Variants in GLYAT observed in about 807,000 individuals in gnomAD.
GLYAT encodes glycine-N-acyltransferase, also known as glycine N-acyltransferase.
A neutral mutation model predicts 22.8 loss-of-function variants in GLYAT; 25 were observed. The ratio of observed to expected loss-of-function variants is 1.09; its 90% CI spans 0.80 to 1.53. GLYAT has a LOEUF of 1.53. Among genes scored for constraint, GLYAT ranks in the 40% most tolerant of loss-of-function variants. The pLI, the probability that GLYAT is intolerant of heterozygous loss-of-function variation, is 0.00. For missense variants in GLYAT, 411 were observed against 353.9 expected (o/e 1.16, Z -1.29); for synonymous variants, 140 against 122.7 (o/e 1.14, Z -0.93).
chr11:58,711,121 A>T (rs1199841542), intron 4 of GLYAT, among the ~76,000 whole-genome samples: 1 of 152,236 alleles, frequency 6.6e-6, no homozygotes, highest in South Asian at 2.1e-4. Flanking sequence ...ATACTGGTCC[A>T]AGCAAGCATT....
chr11:58,719,910 T>C (rs1856728304), intron 2 of GLYAT, among the ~76,000 whole-genome samples: 1 of 152,066 alleles, frequency 6.6e-6, no homozygotes, highest in African/African-American at 2.4e-5. Flanking sequence ...CCTCTTATTG[T>C]GACTTACACC....
intron 4 of GLYAT, 70 bp downstream of exon 4, chr11:58,712,690 G>A (rs1856630404): frequency 2.3e-6 from 3 of 1,328,810 alleles, no homozygotes; most frequent in East Asian, 2.3e-5. Context: ...GAGGAAGGAG[G>A]TATAAGTCAT....
chr11:58,727,509 C>A (rs1856822621), intron 1 of GLYAT, among the ~76,000 whole-genome samples: 1 of 152,138 alleles, frequency 6.6e-6, no homozygotes, highest in Non-Finnish European at 1.5e-5. Context: ...CCAGGCATTG[C>A]AGTTTTAGGC....
intron 1 of GLYAT, among the ~76,000 whole-genome samples, chr11:58,726,459 C>A (rs1005153503): frequency 1.3e-5 from 2 of 152,028 alleles, no homozygotes; most frequent in African/African-American, 4.8e-5. Context: ...CACTGATGGG[C>A]AGCCTAGGGG....
In GLYAT at chr11:58,725,209, C is replaced by T. The variant is rs901845069; in HGVS notation, c.-15-698G>A. Among the ~76,000 whole-genome samples the T allele has an allele frequency of 1.2e-4, 19 of 152,268 alleles. No individual in the cohort carries two copies. The East Asian group carries it at 3.1e-3, about 25-fold the overall frequency. On this transcript the variant is annotated intron_variant, in intron 1 of 5. Coordinates refer to ENST00000344743, the MANE Select transcript of GLYAT (RefSeq NM_201648.3). ...ACTTGTACTTTCACCAAGCCTCACACTTTGAGGCTAATTCCATCTTTAAGC... is the reference window on the plus strand; with the variant it reads ...ACTTGTACTTTCACCAAGCCTCACATTTTGAGGCTAATTCCATCTTTAAGC...
chr11:58,726,731 A>T (rs1856814735), intron 1 of GLYAT, among the ~76,000 whole-genome samples: 1 of 152,106 alleles, frequency 6.6e-6, no homozygotes, highest in Non-Finnish European at 1.5e-5. Flanking sequence ...CCCTTTAAAT[A>T]TGACCTTGAA....
rs181870003 is a variant in GLYAT at position 58,722,508 on chromosome 11, G to T, written c.81+1908C>A. Among the ~76,000 whole-genome samples the T allele has an allele frequency of 1.3e-3, 197 of 152,186 alleles. No homozygotes were observed. The Middle Eastern group carries it at 0.024, about 18-fold the overall frequency. ...GAAGAAGGGACATTTTGAAGCAATG[G>T]CAGGAAGACTTGAAGCAGGGAGAAA... is the stretch of plus-strand genomic sequence containing the variant. On this transcript the variant is annotated intron_variant, in intron 2 of 5. Transcript: ENST00000344743.
chr11:58,724,061 C>A (rs1172618851), intron 2 of GLYAT, among the ~76,000 whole-genome samples: 1 of 151,888 alleles, frequency 6.6e-6, no homozygotes, highest in Non-Finnish European at 1.5e-5. Flanking sequence ...GAACTCTGGG[C>A]AAATTTCAAA....
At chr11:58,725,017 C>T (rs1359705158) in intron 1 of GLYAT, among the ~76,000 whole-genome samples, 1 of 152,078 alleles carries the variant, frequency 6.6e-6, no homozygotes, top group African/African-American at 2.4e-5. Context: ...TTGATTACTA[C>T]CACCACTCCT....
intron 2 of GLYAT, among the ~76,000 whole-genome samples, chr11:58,719,781 A>G (rs1363535796): frequency 6.6e-6 from 1 of 152,056 alleles, no homozygotes; most frequent in African/African-American, 2.4e-5. Flanking sequence ...TTAAAAGCAT[A>G]TACAGGAAGA....
At chr11:58,716,672 C>T (rs560604587) in intron 2 of GLYAT, among the ~76,000 whole-genome samples, 2 of 152,060 alleles carry the variant, frequency 1.3e-5, no homozygotes, top group African/African-American at 4.8e-5. Context: ...TATTAAAATC[C>T]TTTTTAGTCC....
chr11:58,710,609 C>T lies in GLYAT; in HGVS notation c.469G>A (p.Gly157Ser). 6.2e-7 allele frequency: 1 copy of T among 1,605,544 alleles called. No homozygotes were observed. Among genetic ancestry groups the T allele is most frequent in the Non-Finnish European group, 8.5e-7 (1 of 1,172,108 alleles). Residue 157 changes from glycine to serine, a missense_variant, in exon 5 of 6, where the codon GGT becomes AGT. Coordinates refer to ENST00000344743, the MANE Select transcript of GLYAT (RefSeq NM_201648.3). Reference protein sequence around the residue: ...LLKSKILSPNGGKPKAINQEM... With the variant: ...LLKSKILSPNSGKPKAINQEM... Reference sequence around the variant, plus strand: ...ACTCACATGGCCTTGGGTTTGCCACCATTGGGAGATAAAATCTTTGATTTC... The same window carrying T: ...ACTCACATGGCCTTGGGTTTGCCACTATTGGGAGATAAAATCTTTGATTTC...
chr11:58,731,542 T>A (rs930403720), intron 1 of GLYAT, among the ~76,000 whole-genome samples: 1 of 152,142 alleles, frequency 6.6e-6, no homozygotes, highest in Non-Finnish European at 1.5e-5. Context: ...CACAAAGCAA[T>A]AATTACATTA....
intron 1 of GLYAT, among the ~76,000 whole-genome samples, chr11:58,727,211 C>A (rs1354275407): frequency 6.6e-6 from 1 of 152,066 alleles, no homozygotes; most frequent in Non-Finnish European, 1.5e-5. Flanking sequence ...TGGAGGTCAT[C>A]CAAGCTTGTA....
At chr11:58,731,146 A>G (rs1856867668) in intron 1 of GLYAT, among the ~76,000 whole-genome samples, 1 of 152,164 alleles carries the variant, frequency 6.6e-6, no homozygotes, top group Non-Finnish European at 1.5e-5. Flanking sequence ...TCTTGTCTGT[A>G]TTCTTGTCTT....
intron 2 of GLYAT, 45 bp downstream of exon 2, chr11:58,724,371 A>T: frequency 9.6e-7 from 1 of 1,043,432 alleles, no homozygotes; most frequent in Non-Finnish European, 1.5e-6. Flanking sequence ...CCTCTTTCAC[A>T]TCAAGTTTGT....
Position 58,710,068 on chromosome 11 carries a change from T to A in GLYAT, c.589A>T (p.Ile197Phe). Residue 197 changes from isoleucine to phenylalanine, a missense_variant, in exon 6 of 6, where the codon ATT becomes TTT. Coordinates refer to ENST00000344743, the MANE Select transcript of GLYAT (RefSeq NM_201648.3). ...FGGNERSQRF[I>F]ERCIQTFPTC... ...GGAAAGGTCTGAATGCAGCGCTCAA[T>A]GAATCTCTGGCTCCTCTCATTACCA... 1 of 1,614,088 alleles carries A rather than the reference T, an allele frequency of 6.2e-7. No homozygotes were observed.
Position 58,720,170 on chromosome 11 carries a change from C to G in GLYAT, c.81+4246G>C, listed in dbSNP as rs370716883. Among the ~76,000 whole-genome samples, 16 of 151,880 alleles carry G rather than the reference C, an allele frequency of 1.1e-4. No individual in the cohort carries two copies. In the East Asian group the frequency reaches 2.7e-3, roughly 26 times the overall value. On this transcript the variant is annotated intron_variant, in intron 2 of 5. Transcript: ENST00000344743. Reference sequence around the variant, plus strand: ...AAATAAGCTTTGAATTGGAAAAAAACTTGTTCACCTCTTTAAAAAACACAC... The same window carrying G: ...AAATAAGCTTTGAATTGGAAAAAAAGTTGTTCACCTCTTTAAAAAACACAC...
intron 3 of GLYAT, 43 bp from the exon 4 acceptor site, chr11:58,712,929 T>G (rs1856634992): frequency 1.5e-6 from 2 of 1,328,778 alleles, no homozygotes; most frequent in African/African-American, 2.9e-5. Flanking sequence ...ATCCTTATAT[T>G]TTATGATTAC....
Sources: gnomAD v4.1 joint callset for allele counts (sites outside exome capture counted in the v4.1 genomes callset) on GRCh38, gnomAD v4.1.1 for gene constraint, MANE v1.5 for transcripts, NCBI Gene and HGNC (gene_info 2026-07-23, HGNC 2026-07-21) for gene names.